SRP54: variants seen among roughly 807,000 people sequenced by gnomAD.
The protein encoded by SRP54 is signal recognition particle 54, also known as signal recognition particle subunit SRP54.
A neutral mutation model predicts 64.8 loss-of-function variants in SRP54; 10 were observed. The ratio of observed to expected loss-of-function variants is 0.15; its 90% CI spans 0.10 to 0.26. SRP54 has a LOEUF of 0.26. Among genes scored for constraint, SRP54 ranks in the 10% least tolerant of loss-of-function variants. The pLI is 1.00. For missense variants in SRP54, 325 were observed against 613.7 expected (o/e 0.53, Z 4.97); for synonymous variants, 193 against 185.6 (o/e 1.04, Z -0.32).
At chr14:35,000,301 C>T (rs936340799) in intron 3 of SRP54, among the ~76,000 whole-genome samples, 1 of 152,164 alleles carries the variant, frequency 6.6e-6, no homozygotes, top group Non-Finnish European at 1.5e-5. Flanking sequence ...GGCGCAGTAG[C>T]TCACGCCTGT....
At chr14:35,022,851 C>T in intron 13 of SRP54, 59 bp from the exon 14 acceptor site, 1 of 1,429,006 alleles carries the variant, frequency 7.0e-7, no homozygotes, top group South Asian at 1.6e-5. Flanking sequence ...CCCATTTGCA[C>T]ATAACTGCTT....
Position 34,999,015 on chromosome 14 carries a change from T to G in SRP54, c.79-543T>G, listed in dbSNP as rs1332999425. 4.4e-4 allele frequency among the ~76,000 whole-genome samples: 19 copies of G among 43,500 alleles called. 1 individual carries two copies. The highest frequency in any genetic ancestry group is 8.8e-3 in the Middle Eastern group (1 of 114). 28.5% of individuals were successfully genotyped at this position (43,500 alleles called of 152,430 possible). A position where few individuals can be genotyped will look rare whatever the true frequency, so the allele number is the denominator to read the frequency against. ...TGTGTGTGTGTGTGTGTGTGTGTGG[T>G]TTTTTTTTTTTTTTTTTGAGACAAA... On this transcript the variant is annotated intron_variant, in intron 2 of 15. Transcript: ENST00000216774.
intron 14 of SRP54, chr14:35,027,825 G>A (rs1367395967): frequency 4.3e-6 from 1 of 234,968 alleles, no homozygotes; most frequent in Non-Finnish European, 8.2e-6. Context: ...TATAAATAAA[G>A]TATTAGCATA....
At chr14:35,028,568 A>C (rs1364735183) in intron 15 of SRP54, among the ~76,000 whole-genome samples, 1 of 152,198 alleles carries the variant, frequency 6.6e-6, no homozygotes, top group Non-Finnish European at 1.5e-5. Flanking sequence ...CTTCGGTAAA[A>C]TCACAGATCA....
chr14:35,003,500 G>C (rs1016369980), intron 4 of SRP54, among the ~76,000 whole-genome samples: 3 of 151,974 alleles, frequency 2.0e-5, no homozygotes, highest in Non-Finnish European at 4.4e-5. Context: ...TCAGCCTCCA[G>C]AGAAGCTAGG....
intron 4 of SRP54, among the ~76,000 whole-genome samples, chr14:35,003,992 C>G (rs532805700): frequency 1.3e-4 from 19 of 151,704 alleles, no homozygotes; most frequent in Non-Finnish European, 2.5e-4. Flanking sequence ...TGCCTGTAAT[C>G]CCAGTACTTT....
chr14:35,012,010 A>G (rs1429535091), intron 8 of SRP54, among the ~76,000 whole-genome samples: 3 of 152,146 alleles, frequency 2.0e-5, no homozygotes, highest in Non-Finnish European at 4.4e-5. Flanking sequence ...CAAGGTCAGG[A>G]GTTCAAGATC....
At position 35,025,869 on chromosome 14, in the gene SRP54, G is replaced by A. The variant is rs577854734; in HGVS notation, c.1328-2219G>A. 9.9e-5 allele frequency among the ~76,000 whole-genome samples: 15 copies of A among 152,174 alleles called. No homozygotes were observed. In the South Asian group the frequency reaches 2.7e-3, roughly 27 times the overall value. On this transcript the variant is annotated intron_variant, in intron 14 of 15. Transcript: ENST00000216774. ...TCCCATATTTTATAAATGCTTCTGA[G>A]AAGTACCATAGTTAATGCCCCTTTC...
chr14:34,997,435 G>A (rs978925010), intron 2 of SRP54, among the ~76,000 whole-genome samples: 9 of 152,156 alleles, frequency 5.9e-5, no homozygotes, highest in Admixed American at 2.0e-4. Flanking sequence ...TATCAACAAT[G>A]GAAAAGTACT....
chr14:34,989,132 T>C (rs1014646716), intron 1 of SRP54, among the ~76,000 whole-genome samples: 3 of 152,194 alleles, frequency 2.0e-5, no homozygotes, highest in Admixed American at 6.6e-5. Context: ...CTGTACTATG[T>C]AGAAGTAATT....
At chr14:34,991,334 T>G (rs200862957) in intron 1 of SRP54, among the ~76,000 whole-genome samples, 27 of 138,262 alleles carry the variant, frequency 2.0e-4, no homozygotes, top group African/African-American at 2.1e-4. Flanking sequence ...TTCACCATGT[T>G]GGCCAGGCTG....
At chr14:34,998,930 C>T (rs2044116783) in intron 2 of SRP54, among the ~76,000 whole-genome samples, 1 of 143,706 alleles carries the variant, frequency 7.0e-6, no homozygotes, top group Non-Finnish European at 1.5e-5. Flanking sequence ...TTTGTAGTAA[C>T]TTTTTTTGGC....
intron 1 of SRP54, among the ~76,000 whole-genome samples, chr14:34,984,840 G>A (rs1395286218): frequency 1.3e-5 from 2 of 151,300 alleles, no homozygotes; most frequent in Non-Finnish European, 2.9e-5. Context: ...TGAGTTGATA[G>A]TTCTGTACTT....
At position 35,001,022 on chromosome 14, in the gene SRP54, TA is replaced by T; in HGVS notation, c.255+6del. On this transcript the variant is annotated splice_donor_region_variant and intron_variant, in intron 4 of 15. Coordinates refer to ENST00000216774, the MANE Select transcript of SRP54 (RefSeq NM_003136.4). ...GCTGTATTTAAAGAACTTGTGAAGG[TA>T]AAAGTATATGAAGATTATGCTGTGA... 1 of 1,526,042 alleles carries T rather than the reference TA, an allele frequency of 6.6e-7. No homozygotes were observed. The highest frequency in any genetic ancestry group is 1.2e-5 in the South Asian group (1 of 84,006). The allele number at this position is 1,526,042 out of a possible 1,614,324, so 94.5% of individuals were successfully genotyped here. A position where few individuals can be genotyped will look rare whatever the true frequency, so the allele number is the denominator to read the frequency against.
chr14:34,991,364 A>T (rs2043975383), intron 1 of SRP54, among the ~76,000 whole-genome samples: 2 of 151,878 alleles, frequency 1.3e-5, no homozygotes. Context: ...TCCTGACCTC[A>T]GGCAATCCAC....
At chr14:34,995,007 C>G (rs2044043661) in intron 1 of SRP54, among the ~76,000 whole-genome samples, 1 of 145,510 alleles carries the variant, frequency 6.9e-6, no homozygotes, top group African/African-American at 2.6e-5. Flanking sequence ...GTTTCCAACT[C>G]CTGAGCCCAA....
At chr14:34,991,628 A>G (rs1011510857) in intron 1 of SRP54, among the ~76,000 whole-genome samples, 2 of 150,486 alleles carry the variant, frequency 1.3e-5, no homozygotes, top group African/African-American at 4.9e-5. Context: ...TGTCAAGCAG[A>G]GGAAGAGCAT....
intron 11 of SRP54, among the ~76,000 whole-genome samples, chr14:35,015,364 C>G (rs764911783): frequency 3.3e-5 from 5 of 151,666 alleles, no homozygotes; most frequent in Non-Finnish European, 7.4e-5. Flanking sequence ...GTGTGAACCA[C>G]TGTGCTTGGC....
Position 35,029,312 on chromosome 14 carries a change from C to A in SRP54, c.*160C>A. 1 of 502,866 alleles carries A rather than the reference C, an allele frequency of 2.0e-6. No individual in the cohort carries two copies. The highest frequency in any genetic ancestry group is 3.5e-6 in the Non-Finnish European group (1 of 286,574). 31.2% of individuals were successfully genotyped at this position (502,866 alleles called of 1,614,324 possible). ...CCGCTTTTCCCCTCCTTTTCTTTTT[C>A]CTTCCTTCTTTCCTCCCTTTAATAT... On this transcript the variant is annotated 3_prime_UTR_variant, in exon 16 of 16. Transcript: ENST00000216774.
Sources: allele counts gnomAD v4.1 joint callset (sites outside exome capture counted in the v4.1 genomes callset), GRCh38; gene constraint gnomAD v4.1.1; transcripts MANE v1.5; gene names NCBI Gene and HGNC (gene_info 2026-07-23, HGNC 2026-07-21).